The following ESRP1 variants were observed in gnomAD, a reference collection of about 807,000 sequenced individuals.
ESRP1 encodes the protein epithelial splicing regulatory protein 1, also known as RNA-binding motif protein 35A.
ESRP1 carries 33 observed loss-of-function variants against 81.7 expected under a neutral mutation model. That is an observed-to-expected ratio of 0.40 (90% CI 0.31 to 0.54). The LOEUF (loss-of-function observed/expected upper bound fraction) is 0.54, where lower values mean the gene tolerates loss of function less well. Ranked by LOEUF, ESRP1 falls within the 20% of genes least tolerant of loss-of-function variation. The pLI, the probability that ESRP1 is intolerant of heterozygous loss-of-function variation, is 0.41. For synonymous variants in ESRP1, 320 were observed against 303.3 expected (o/e 1.06, Z -0.57); for missense variants, 672 against 833.1 (o/e 0.81, Z 2.38).
chr8:94,678,095 C>T, intron 12 of ESRP1, 108 bp from the exon 13 acceptor site: 1 of 1,174,064 alleles, frequency 8.5e-7, no homozygotes, highest in East Asian at 2.4e-5. Context: ...GAACTGTGGT[C>T]TCTTTCTTTA....
At chr8:94,666,675 A>T (rs1819031440) in intron 9 of ESRP1, among the ~76,000 whole-genome samples, 1 of 152,208 alleles carries the variant, frequency 6.6e-6, no homozygotes, top group East Asian at 1.9e-4. Context: ...TTTTTGCTCC[A>T]GTTCATCTTT....
chr8:94,667,698 G>T (rs1255067171), intron 9 of ESRP1, among the ~76,000 whole-genome samples: 1 of 152,126 alleles, frequency 6.6e-6, no homozygotes, highest in African/African-American at 2.4e-5. Flanking sequence ...CTACCACAAT[G>T]ACTTACTAGT....
chr8:94,687,871 C>T (rs1161473837), intron 13 of ESRP1, among the ~76,000 whole-genome samples: 1 of 151,928 alleles, frequency 6.6e-6, no homozygotes, highest in Non-Finnish European at 1.5e-5. Context: ...TTTTCATTTT[C>T]TTGGTAGTGT....
intron 11 of ESRP1, among the ~76,000 whole-genome samples, chr8:94,671,975 C>A (rs75336456): frequency 2.6e-5 from 4 of 152,030 alleles, no homozygotes; most frequent in Non-Finnish European, 4.4e-5. Context: ...TATAATAATT[C>A]AAATTCAGCT....
At position 94,674,606 on chromosome 8, in the gene ESRP1, G is replaced by A. The variant is rs956834420; in HGVS notation, c.1651+100G>A. 15 of 1,107,294 alleles carry A rather than the reference G, an allele frequency of 1.4e-5. No individual in the cohort carries two copies. Among genetic ancestry groups the A allele is most frequent in the Non-Finnish European group, 1.9e-5 (15 of 791,438 alleles). 68.6% of individuals were successfully genotyped at this position (1,107,294 alleles called of 1,614,324 possible). On this transcript the variant is annotated intron_variant, in intron 12 of 15. Coordinates refer to ENST00000433389, the MANE Select transcript of ESRP1 (RefSeq NM_017697.4). ...TGTGCCCCTGGTTCTTTCTGAGGCA[G>A]GTGAGGTGGTTATATAAGGCTCTCC...
chr8:94,695,500 G>GCCA (rs1471256229), intron 14 of ESRP1, among the ~76,000 whole-genome samples: 33 of 150,116 alleles, frequency 2.2e-4, no homozygotes, highest in Non-Finnish European at 3.7e-4. Context: ...GATTACACGT[G>GCCA]TGCCACCAAG....
chr8:94,696,259 G>C (rs1293065135), intron 14 of ESRP1, among the ~76,000 whole-genome samples: 1 of 152,118 alleles, frequency 6.6e-6, no homozygotes, highest in African/African-American at 2.4e-5. Flanking sequence ...CCTTACATAA[G>C]TCCTTTAACA....
At chr8:94,700,374 A>T (rs1809773498) in intron 15 of ESRP1, among the ~76,000 whole-genome samples, 1 of 152,238 alleles carries the variant, frequency 6.6e-6, no homozygotes, top group Admixed American at 6.5e-5. Flanking sequence ...AGACAGAGAC[A>T]CATACAGAAG....
intron 10 of ESRP1, among the ~76,000 whole-genome samples, chr8:94,668,826 T>C (rs1035117200): frequency 2.7e-5 from 4 of 150,894 alleles, no homozygotes; most frequent in Admixed American, 1.3e-4. Flanking sequence ...GGGGTCTTGC[T>C]CTGTCACCCA....
intron 6 of ESRP1, 100 bp from the exon 7 acceptor site, chr8:94,664,597 T>A: frequency 1.2e-6 from 1 of 819,578 alleles, no homozygotes; most frequent in Non-Finnish European, 2.1e-6. Flanking sequence ...GAACACCAAA[T>A]AATACATCCT....
intron 3 of ESRP1, among the ~76,000 whole-genome samples, chr8:94,643,887 A>G (rs1817727167): frequency 6.6e-6 from 1 of 152,236 alleles, no homozygotes; most frequent in Non-Finnish European, 1.5e-5. Flanking sequence ...GAAAGGAAGG[A>G]AAAAAGAATT....
chr8:94,665,742 C>T (rs1818986006), intron 9 of ESRP1, among the ~76,000 whole-genome samples: 2 of 152,292 alleles, frequency 1.3e-5, no homozygotes, highest in South Asian at 2.1e-4. Context: ...GATCCTCCTG[C>T]CTCAGCCTCC....
chr8:94,696,126 C>A (rs937727795), intron 14 of ESRP1, among the ~76,000 whole-genome samples: 2 of 152,294 alleles, frequency 1.3e-5, no homozygotes, highest in South Asian at 4.2e-4. Context: ...GGAGGTAAAG[C>A]CACAAAGACC....
intron 4 of ESRP1, 97 bp downstream of exon 4, chr8:94,646,379 T>C: frequency 1.3e-6 from 1 of 779,664 alleles, no homozygotes; most frequent in Non-Finnish European, 2.0e-6. Context: ...TGTCAGCATA[T>C]GGATAAAATT....
At position 94,701,420 on chromosome 8, in the gene ESRP1, C is replaced by T. The variant is rs75082841; in HGVS notation, c.*35+4459C>T. On this transcript the variant is annotated intron_variant, in intron 15 of 15. Coordinates refer to ENST00000433389, the MANE Select transcript of ESRP1 (RefSeq NM_017697.4). ...TTGTCCCATCAACCCAGCCAACACA[C>T]GTTGACTATCCCACTGAATCAGTGG... 6.4e-3 allele frequency among the ~76,000 whole-genome samples: 970 copies of T among 152,198 alleles called. 3 individuals are homozygous for T. Among genetic ancestry groups the T allele is most frequent in the Middle Eastern group, 0.02 (6 of 294 alleles).
chr8:94,686,293 A>T (rs1278362474), intron 13 of ESRP1, among the ~76,000 whole-genome samples: 3 of 152,206 alleles, frequency 2.0e-5, no homozygotes, highest in Non-Finnish European at 4.4e-5. Context: ...CAGCAACTTT[A>T]TAATATATTA....
At chr8:94,685,786 CAA>C (rs143033408) in intron 13 of ESRP1, among the ~76,000 whole-genome samples, 3 of 143,108 alleles carry the variant, frequency 2.1e-5, no homozygotes, top group African/African-American at 5.3e-5. Flanking sequence ...GAGACAGTCT[CAA>C]AAAAAAAAAC....
rs1252381496 is a variant in ESRP1, at chr8:94,680,268, T to C, written c.1820+1897T>C. 3.3e-5 allele frequency among the ~76,000 whole-genome samples: 5 copies of C among 152,344 alleles called. 1 individual carries two copies. The East Asian group carries it at 9.6e-4, about 29-fold the overall frequency. On this transcript the variant is annotated intron_variant, in intron 13 of 15. Transcript: ENST00000433389. ...TACTTCCAAATTAACCCCTAGAGTGTGTTATTTTATTTTACATTTCCCCAC... is the reference window on the plus strand; with the variant it reads ...TACTTCCAAATTAACCCCTAGAGTGCGTTATTTTATTTTACATTTCCCCAC...
chr8:94,651,588 A>C (rs1818133360), intron 4 of ESRP1, among the ~76,000 whole-genome samples: 1 of 151,586 alleles, frequency 6.6e-6, no homozygotes, highest in Admixed American at 6.6e-5. Flanking sequence ...AAAAAGTAGG[A>C]CCATTTTGAT....
Sources: allele counts gnomAD v4.1 joint callset (sites outside exome capture counted in the v4.1 genomes callset), GRCh38; gene constraint gnomAD v4.1.1; transcripts MANE v1.5; gene names NCBI Gene and HGNC (gene_info 2026-07-23, HGNC 2026-07-21).